PARL: variants seen among roughly 807,000 people sequenced by gnomAD.
PARL encodes presenilin-associated rhomboid-like protein, mitochondrial.
PARL carries 44 observed loss-of-function variants against 51.6 expected under a neutral mutation model. The ratio of observed to expected loss-of-function variants is 0.85; its 90% CI spans 0.67 to 1.10. The LOEUF (loss-of-function observed/expected upper bound fraction) is 1.10, where lower values mean the gene tolerates loss of function less well. Ranked by LOEUF, PARL falls within the 50% of genes least tolerant of loss-of-function variation. PARL has a pLI of 0.00. For missense variants in PARL, 441 were observed against 469.5 expected, an observed-to-expected ratio of 0.94 and a Z score of 0.56; for synonymous variants, 172 against 164.0, an observed-to-expected ratio of 1.05 and a Z score of -0.37.
intron 4 of PARL, among the ~76,000 whole-genome samples, chr3:183,847,283 G>C (rs1367206309): frequency 6.6e-6 from 1 of 152,192 alleles, no homozygotes; most frequent in African/African-American, 2.4e-5. Flanking sequence ...AACGGGCCGG[G>C]TGTGGTGGCT....
At chr3:183,884,699 G>C in intron 1 of PARL, 23 bp downstream of exon 1, 1 of 1,581,914 alleles carries the variant, frequency 6.3e-7, no homozygotes, top group Non-Finnish European at 8.6e-7. Flanking sequence ...GAGGCGAGAA[G>C]ACCAGAGCGC....
chr3:183,838,370 C>T (rs530658189), intron 7 of PARL, among the ~76,000 whole-genome samples: 1 of 152,144 alleles, frequency 6.6e-6, no homozygotes, highest in Admixed American at 6.6e-5. Flanking sequence ...AGAGGACTAA[C>T]GCTTTACATT....
At position 183,879,728 on chromosome 3, in the gene PARL, G is replaced by C. The variant is rs189602169; in HGVS notation, c.125+4994C>G. 1.3e-4 allele frequency: 132 copies of C among 978,862 alleles called. 3 individuals are homozygous for C. The East Asian group carries it at 0.012, about 92-fold the overall frequency. 60.6% of individuals were successfully genotyped at this position (978,862 alleles called of 1,614,324 possible). ...TTTCATTTTAAATTTCCTTTTTTTGGTGGGCGGGGGGAGGTCCTCGCTCTG... is the reference window on the plus strand; with the variant it reads ...TTTCATTTTAAATTTCCTTTTTTTGCTGGGCGGGGGGAGGTCCTCGCTCTG... On this transcript the variant is annotated intron_variant, in intron 1 of 9. Coordinates refer to ENST00000317096, the MANE Select transcript of PARL (RefSeq NM_018622.7).
At chr3:183,854,743 A>G (rs1730946834) in intron 4 of PARL, among the ~76,000 whole-genome samples, 1 of 140,484 alleles carries the variant, frequency 7.1e-6, no homozygotes, top group African/African-American at 2.6e-5. Flanking sequence ...TTTTTTTTTT[A>G]CAATTAAAAA....
downstream of PARL, among the ~76,000 whole-genome samples, chr3:183,827,935 C>T (rs921781221): frequency 6.7e-6 from 1 of 148,226 alleles, no homozygotes; most frequent in Non-Finnish European, 1.5e-5. Context: ...TCCTAGGTAC[C>T]CCACACTTCA....
intron 4 of PARL, among the ~76,000 whole-genome samples, chr3:183,854,220 C>T (rs548810527): frequency 1.3e-3 from 204 of 152,270 alleles, no homozygotes; most frequent in African/African-American, 4.8e-3. Flanking sequence ...CCAGCCCACG[C>T]GACAGAGTGA....
intron 1 of PARL, among the ~76,000 whole-genome samples, chr3:183,868,731 G>T (rs932747633): frequency 2.6e-5 from 4 of 152,176 alleles, no homozygotes; most frequent in African/African-American, 9.7e-5. Flanking sequence ...CAGTCAGAAT[G>T]ACTTCTGGTT....
At chr3:183,883,611 C>G (rs1328025937) in intron 1 of PARL, 1 of 985,234 alleles carries the variant, frequency 1.0e-6, no homozygotes, top group South Asian at 4.7e-5. Context: ...CATGCAATCT[C>G]AAATGGGATT....
chr3:183,866,586 G>T, intron 3 of PARL, 39 bp downstream of exon 3: 1 of 1,576,080 alleles, frequency 6.3e-7, no homozygotes, highest in Non-Finnish European at 8.7e-7. Flanking sequence ...TTTTAAAACC[G>T]TGATTAACTA....
downstream of PARL, chr3:183,826,548 G>A (rs1458665822): frequency 7.4e-6 from 7 of 952,218 alleles, no homozygotes; most frequent in Non-Finnish European, 8.8e-6. Flanking sequence ...CTGCGCCTGG[G>A]AGGGGACTGC....
chr3:183,844,530 CT>C (rs1729729225), intron 4 of PARL: 1 of 533,032 alleles, frequency 1.9e-6, no homozygotes. Context: ...CACAGAATTC[CT>C]GGGAAATTGT....
At chr3:183,870,967 T>G (rs888318178) in intron 1 of PARL, among the ~76,000 whole-genome samples, 1 of 152,172 alleles carries the variant, frequency 6.6e-6, no homozygotes, top group Non-Finnish European at 1.5e-5. Context: ...TTCTCTCCTT[T>G]GCACTTCTAG....
chr3:183,859,995 T>G (rs1731621122), intron 4 of PARL, among the ~76,000 whole-genome samples: 1 of 151,640 alleles, frequency 6.6e-6, no homozygotes, highest in African/African-American at 2.4e-5. Context: ...GGCACACTGG[T>G]CTCACAAAGC....
In PARL at chr3:183,853,770, C is replaced by T. The variant is rs1236940851; in HGVS notation, c.511+8983G>A. On this transcript the variant is annotated intron_variant, in intron 4 of 9. Transcript: ENST00000317096. ...ATGGCTACTGTCAAACACCTACACA[C>T]TCACACAAAGAGAAAATAACAAATG... 3.9e-5 allele frequency among the ~76,000 whole-genome samples: 6 copies of T among 152,194 alleles called. No homozygotes were observed. In the East Asian group the frequency reaches 1.2e-3, roughly 29 times the overall value.
Position 183,844,491 on chromosome 3 carries a change from G to A in PARL, c.512-165C>T. ...AGCAAGTGAAATGAATGCTTTTAAAGTATCAGCACTGCCTAGGGTTGGTAA... is the reference window on the plus strand; with the variant it reads ...AGCAAGTGAAATGAATGCTTTTAAAATATCAGCACTGCCTAGGGTTGGTAA... On this transcript the variant is annotated intron_variant, in intron 4 of 9. Coordinates refer to ENST00000317096, the MANE Select transcript of PARL (RefSeq NM_018622.7). 3 of 612,012 alleles carry A rather than the reference G, an allele frequency of 4.9e-6. No homozygotes were observed. In the South Asian group the frequency reaches 5.9e-5, roughly 12 times the overall value. The allele number at this position is 612,012 out of a possible 1,614,324, so 37.9% of individuals were successfully genotyped here.
intron 1 of PARL, among the ~76,000 whole-genome samples, chr3:183,873,150 T>C (rs1395786900): frequency 1.3e-5 from 2 of 152,156 alleles, no homozygotes; most frequent in Non-Finnish European, 2.9e-5. Context: ...AAACAAGTAA[T>C]GCCACTTTGG....
chr3:183,875,231 A>G (rs1733654492), intron 1 of PARL, among the ~76,000 whole-genome samples: 1 of 152,030 alleles, frequency 6.6e-6, no homozygotes, highest in African/African-American at 2.4e-5. Context: ...CCTGGCCAAC[A>G]ATGTGAAACT....
At chr3:183,843,200 A>G (rs1276276318) in intron 5 of PARL, 2 of 984,740 alleles carry the variant, frequency 2.0e-6, no homozygotes, top group Non-Finnish European at 2.4e-6. Flanking sequence ...ATCATTTTTA[A>G]AAGTGACAAA....
chr3:183,857,585 A>G (rs1254921347), intron 4 of PARL, among the ~76,000 whole-genome samples: 1 of 152,272 alleles, frequency 6.6e-6, no homozygotes, highest in Non-Finnish European at 1.5e-5. Flanking sequence ...ACACACAAGT[A>G]ACTAAACATG....
Sources: allele counts gnomAD v4.1 joint callset (sites outside exome capture counted in the v4.1 genomes callset), GRCh38; gene constraint gnomAD v4.1.1; transcripts MANE v1.5; gene names NCBI Gene and HGNC (gene_info 2026-07-23, HGNC 2026-07-21).